VIT: variants seen among roughly 807,000 people sequenced by gnomAD.
The protein encoded by VIT is vitrin.
VIT carries 99 observed loss-of-function variants against 78.0 expected under a neutral mutation model. That is an observed-to-expected ratio of 1.27 (90% CI 1.08 to 1.50). The LOEUF is 1.50. Ranked by LOEUF, VIT falls within the 40% of genes most tolerant of loss-of-function variation. The probability of loss-of-function intolerance (pLI) is 0.00; values close to 1 mark genes in which losing one functional copy is unlikely to be tolerated. For synonymous variants in VIT, 374 were observed against 334.3 expected, an observed-to-expected ratio of 1.12 and a Z score of -1.29; for missense variants, 1,126 against 875.3, an observed-to-expected ratio of 1.29 and a Z score of -3.61.
intron 1 of VIT, among the ~76,000 whole-genome samples, chr2:36,714,756 C>T (rs890617679): frequency 2.0e-5 from 3 of 152,198 alleles, no homozygotes; most frequent in South Asian, 2.1e-4. Context: ...CCTTGGACCA[C>T]GGTTATGACA....
intron 7 of VIT, among the ~76,000 whole-genome samples, chr2:36,767,724 T>G (rs1669519899): frequency 6.6e-6 from 1 of 152,228 alleles, no homozygotes; most frequent in South Asian, 2.1e-4. Flanking sequence ...TTTGTCTTAC[T>G]ACTTTTACCC....
At chr2:36,739,534 C>T (rs1038191891) in intron 3 of VIT, among the ~76,000 whole-genome samples, 10 of 152,206 alleles carry the variant, frequency 6.6e-5, no homozygotes, top group Admixed American at 5.2e-4. Flanking sequence ...TGTGAGATCA[C>T]TACAGCGGAC....
chr2:36,716,779 T>G (rs2148450038), intron 2 of VIT, among the ~76,000 whole-genome samples: 1 of 152,310 alleles, frequency 6.6e-6, no homozygotes, highest in South Asian at 2.1e-4. Flanking sequence ...ATCTTCTTAT[T>G]TCTTAATTTC....
At chr2:36,727,724 T>G (rs1020569705) in intron 2 of VIT, among the ~76,000 whole-genome samples, 3 of 152,232 alleles carry the variant, frequency 2.0e-5, no homozygotes, top group Non-Finnish European at 2.9e-5. Flanking sequence ...AAGATTGTAA[T>G]GGAGATGAAA....
chr2:36,768,221 C>A (rs991782069), intron 7 of VIT, among the ~76,000 whole-genome samples: 12 of 152,126 alleles, frequency 7.9e-5, no homozygotes, highest in Non-Finnish European at 1.3e-4. Context: ...CACTTGAGGC[C>A]TGGAGTTCAA....
intron 3 of VIT, among the ~76,000 whole-genome samples, chr2:36,732,598 C>T (rs1226228185): frequency 6.6e-6 from 1 of 152,058 alleles, no homozygotes; most frequent in African/African-American, 2.4e-5. Flanking sequence ...GCAAGGAAGG[C>T]ACATTATTCA....
At position 36,743,941 on chromosome 2, in the gene VIT, T is replaced by A. The variant is rs148897137; in HGVS notation, c.275+685T>A. Among the ~76,000 whole-genome samples, 195 of 152,266 alleles carry A rather than the reference T, an allele frequency of 1.3e-3. 1 individual carries two copies. The highest frequency in any genetic ancestry group is 4.5e-3 in the African/African-American group (189 of 41,552). On this transcript the variant is annotated intron_variant, in intron 4 of 15. Transcript: ENST00000379242. ...GTGAGCATAGTATTAAATAGGTAGCTTTTCAGGCTTCACCTCCCTCCTTCC... is the reference window on the plus strand; with the variant it reads ...GTGAGCATAGTATTAAATAGGTAGCATTTCAGGCTTCACCTCCCTCCTTCC...
chr2:36,774,592 T>C (rs1669942114), intron 8 of VIT: 2 of 985,280 alleles, frequency 2.0e-6, no homozygotes, highest in South Asian at 4.7e-5. Context: ...GTAGGTTCTG[T>C]TTTGCTTGCT....
chr2:36,710,667 TTCTG>T (rs746952327), intron 1 of VIT, among the ~76,000 whole-genome samples: 1 of 152,218 alleles, frequency 6.6e-6, no homozygotes, highest in Non-Finnish European at 1.5e-5. Context: ...ATGTACTCTT[TTCTG>T]TCTGACTACT....
At chr2:36,739,878 TAG>T (rs1667734583) in intron 3 of VIT, among the ~76,000 whole-genome samples, 1 of 152,180 alleles carries the variant, frequency 6.6e-6, no homozygotes, top group Non-Finnish European at 1.5e-5. Flanking sequence ...TCACGGACGC[TAG>T]CAACTGTCCA....
At chr2:36,707,113 T>C (rs1028827706) in intron 1 of VIT, among the ~76,000 whole-genome samples, 1 of 152,192 alleles carries the variant, frequency 6.6e-6, no homozygotes, top group Non-Finnish European at 1.5e-5. Flanking sequence ...TTAAAACCAC[T>C]GTATGGACGG....
intron 3 of VIT, among the ~76,000 whole-genome samples, chr2:36,738,162 C>T (rs774901459): frequency 2.4e-4 from 36 of 152,162 alleles, no homozygotes; most frequent in Non-Finnish European, 4.1e-4. Context: ...CATTCACCCA[C>T]TAGTGGTTGT....
intron 4 of VIT, among the ~76,000 whole-genome samples, chr2:36,751,984 G>C (rs1159404520): frequency 4.6e-5 from 7 of 152,122 alleles, no homozygotes; most frequent in Non-Finnish European, 8.8e-5. Context: ...AGTATATTGG[G>C]GATCTATAAC....
intron 12 of VIT, among the ~76,000 whole-genome samples, chr2:36,789,779 C>A (rs1002490186): frequency 2.6e-5 from 4 of 152,180 alleles, no homozygotes; most frequent in African/African-American, 9.7e-5. Context: ...GCCTTGAGAG[C>A]ACCTGATTCT....
At chr2:36,795,452 G>C (rs1665824670) in intron 12 of VIT, among the ~76,000 whole-genome samples, 1 of 151,044 alleles carries the variant, frequency 6.6e-6, no homozygotes, top group Non-Finnish European at 1.5e-5. Context: ...TTGTTGCCCA[G>C]GCTGGATCTT....
intron 15 of VIT, among the ~76,000 whole-genome samples, 160 bp from the exon 16 acceptor site, chr2:36,814,023 C>G (rs950544481): frequency 2.0e-5 from 3 of 152,194 alleles, no homozygotes; most frequent in African/African-American, 7.2e-5. Flanking sequence ...AGTCTTTATT[C>G]TGGAAACCTA....
chr2:36,752,138 C>T (rs1254687853), intron 4 of VIT, among the ~76,000 whole-genome samples: 2 of 152,104 alleles, frequency 1.3e-5, no homozygotes, highest in African/African-American at 2.4e-5. Flanking sequence ...AAGAAATTCC[C>T]TTAGTTTCTT....
Position 36,723,947 on chromosome 2 carries a change from GAAAGA to G in VIT, c.53-5463_53-5459del, listed in dbSNP as rs750762402. Among the ~76,000 whole-genome samples the G allele has an allele frequency of 1.6e-4, 14 of 88,246 alleles. No homozygotes were observed. In the East Asian group the frequency reaches 4.0e-3, roughly 25 times the overall value. The allele number at this position is 88,246 out of a possible 152,430, so 57.9% of individuals were successfully genotyped here. A position where few individuals can be genotyped will look rare whatever the true frequency, so the allele number is the denominator to read the frequency against. ...GCCTGGGCAAGATAAGAAAAGAAAA[GAAAGA>G]AAAGAAAAGAAAAGAGAGGGGAGGG... is the stretch of plus-strand genomic sequence containing the variant. On this transcript the variant is annotated intron_variant, in intron 2 of 15. Coordinates refer to ENST00000379242, the MANE Select transcript of VIT (RefSeq NM_053276.4).
chr2:36,808,980 T>C lies in VIT; in HGVS notation c.1898T>C (p.Leu633Pro), dbSNP rs1295111237. ...CGGATCCCAGCCATGGCTGCCCATCTGAAGGGTAAGCTGGGCTTGCCAAGC... is the reference window on the plus strand; with the variant it reads ...CGGATCCCAGCCATGGCTGCCCATCCGAAGGGTAAGCTGGGCTTGCCAAGC... ...DVRIPAMAAH[L>P]KGVITYAIGV... Residue 633 changes from leucine to proline, a missense_variant, in exon 15 of 16, where the codon CTG (leucine) becomes CCG (proline). Leu to Pro is a moderately conservative substitution (Grantham distance 98, BLOSUM62 -3). Coordinates refer to ENST00000379242, the MANE Select transcript of VIT (RefSeq NM_053276.4). 1.3e-6 allele frequency: 2 copies of C among 1,581,136 alleles called. No homozygotes were observed. The highest frequency in any genetic ancestry group is 8.6e-7 in the Non-Finnish European group (1 of 1,160,124).
Sources: gnomAD v4.1 joint callset for allele counts (sites outside exome capture counted in the v4.1 genomes callset) on GRCh38, gnomAD v4.1.1 for gene constraint, MANE v1.5 for transcripts, NCBI Gene and HGNC (gene_info 2026-07-23, HGNC 2026-07-21) for gene names.